Variants in AFDN observed in about 807,000 individuals in gnomAD.
The protein encoded by AFDN is afadin, adherens junction formation factor, also known as afadin.
AFDN carries 68 observed loss-of-function variants against 216.6 expected under a neutral mutation model. The ratio of observed to expected loss-of-function variants is 0.31; its 90% CI spans 0.26 to 0.38. AFDN has a LOEUF of 0.38. Among genes scored for constraint, AFDN ranks in the 10% least tolerant of loss-of-function variants. AFDN has a pLI of 1.00. For synonymous variants in AFDN, 868 were observed against 853.7 expected (o/e 1.02, Z -0.29); for missense variants, 2,136 against 2,342.0 (o/e 0.91, Z 1.82).
At chr6:167,841,500 A>G (rs1781070311) in intron 1 of AFDN, among the ~76,000 whole-genome samples, 1 of 152,156 alleles carries the variant, frequency 6.6e-6, no homozygotes, top group Admixed American at 6.5e-5. Context: ...AGGAAAAAAA[A>G]AATACTGTAC....
chr6:167,937,344 T>A (rs917069039), intron 23 of AFDN, among the ~76,000 whole-genome samples: 1 of 152,234 alleles, frequency 6.6e-6, no homozygotes, highest in Non-Finnish European at 1.5e-5. Flanking sequence ...ATTTTTATGA[T>A]CAACCTTGAA....
At chr6:167,953,829 G>A (rs577296591) in intron 30 of AFDN, among the ~76,000 whole-genome samples, 1 of 152,252 alleles carries the variant, frequency 6.6e-6, no homozygotes, top group African/African-American at 2.4e-5. Flanking sequence ...GGACGTTCAT[G>A]GCCTTGTGTC....
intron 30 of AFDN, among the ~76,000 whole-genome samples, chr6:167,956,595 A>G (rs182618311): frequency 4.1e-4 from 62 of 152,310 alleles, no homozygotes; most frequent in Middle Eastern, 3.4e-3. Context: ...ACATCTCCAC[A>G]TGGAGTCAAG....
At chr6:167,896,376 C>T (rs1788250311) in intron 9 of AFDN, among the ~76,000 whole-genome samples, 1 of 152,172 alleles carries the variant, frequency 6.6e-6, no homozygotes, top group Non-Finnish European at 1.5e-5. Context: ...GCCTCATCCC[C>T]AAGGATTTTC....
chr6:167,969,939 A>G lies in AFDN; in HGVS notation c.*4A>G, dbSNP rs779359215. 1.9e-6 allele frequency: 3 copies of G among 1,603,030 alleles called. No individual in the cohort carries two copies. Among genetic ancestry groups the G allele is most frequent in the Non-Finnish European group, 2.5e-6 (3 of 1,176,774 alleles). ...GAATGAACTGAACACAAAGTGAAAG[A>G]AAATGAGGAGAACACTTTGTATTTA... is the stretch of plus-strand genomic sequence containing the variant. On this transcript the variant is annotated 3_prime_UTR_variant, in exon 34 of 34. Transcript: ENST00000683244.
intron 23 of AFDN, among the ~76,000 whole-genome samples, chr6:167,940,018 A>G (rs1794493392): frequency 1.3e-5 from 2 of 152,230 alleles, no homozygotes; most frequent in Admixed American, 6.5e-5. Flanking sequence ...TATCCCAGTC[A>G]TGCTTTTTAT....
At chr6:167,826,856 C>CACG (rs1779111009), upstream of AFDN, 4 of 144,480 alleles carry the variant, frequency 2.8e-5, no homozygotes, top group Non-Finnish European at 6.1e-5. Flanking sequence ...CGGCGGCGCG[C>CACG]ACGGCGGCGG....
chr6:167,831,996 G>A (rs1274516963), intron 1 of AFDN, among the ~76,000 whole-genome samples: 1 of 152,164 alleles, frequency 6.6e-6, no homozygotes, highest in Admixed American at 6.5e-5. Context: ...GAACATATGA[G>A]ACTGAACTCA....
At chr6:167,827,261 C>T in intron 1 of AFDN, 24 bp downstream of exon 1, 3 of 1,021,102 alleles carry the variant, frequency 2.9e-6, no homozygotes, top group Non-Finnish European at 2.4e-6. Flanking sequence ...GGCGCGGGGC[C>T]TGCGCGACCC....
At chr6:167,960,794 G>A (rs185833268) in intron 30 of AFDN, among the ~76,000 whole-genome samples, 263 of 152,232 alleles carry the variant, frequency 1.7e-3, no homozygotes, top group Non-Finnish European at 2.7e-3. Flanking sequence ...CGTCACCGAC[G>A]GCTTCCTTGT....
Position 167,970,988 on chromosome 6 carries a change from A to T in AFDN, c.*1053A>T, listed in dbSNP as rs888331260. On this transcript the variant is annotated 3_prime_UTR_variant, in exon 34 of 34. Coordinates refer to ENST00000683244, the MANE Select transcript of AFDN (RefSeq NM_001386888.1). ...ATATGGAAGTTCAAGCTATTTTTATACTATAATAGAGTTATTTAATTTTAA... is the reference window on the plus strand; with the variant it reads ...ATATGGAAGTTCAAGCTATTTTTATTCTATAATAGAGTTATTTAATTTTAA... 2.8e-5 allele frequency: 6 copies of T among 214,420 alleles called. No individual in the cohort carries two copies. The highest frequency in any genetic ancestry group is 1.8e-4 in the Admixed American group (3 of 17,074). The allele number at this position is 214,420 out of a possible 1,614,324, so 13.3% of individuals were successfully genotyped here. A position where few individuals can be genotyped will look rare whatever the true frequency, so the allele number is the denominator to read the frequency against.
chr6:167,915,550 G>T (rs369730885), intron 19 of AFDN, 117 bp downstream of exon 19: 8 of 1,233,082 alleles, frequency 6.5e-6, no homozygotes, highest in Non-Finnish European at 8.8e-6. Context: ...GGGGTTTTTC[G>T]TATGTACAAA....
intron 23 of AFDN, chr6:167,932,541 A>G (rs1431714570): frequency 6.6e-6 from 1 of 152,246 alleles, no homozygotes; most frequent in Non-Finnish European, 1.5e-5. Flanking sequence ...CTGGTTACGT[A>G]AGAGCCTGAA....
At chr6:167,926,407 A>G (rs1382505446) in intron 23 of AFDN, among the ~76,000 whole-genome samples, 2 of 152,208 alleles carry the variant, frequency 1.3e-5, no homozygotes, top group East Asian at 1.9e-4. Context: ...GGCTGGGCAT[A>G]TTTGCATCTA....
chr6:167,841,892 C>A (rs2128131839), intron 1 of AFDN, among the ~76,000 whole-genome samples: 1 of 152,096 alleles, frequency 6.6e-6, no homozygotes, highest in South Asian at 2.1e-4. Flanking sequence ...CCCTTTCATT[C>A]CTTCTGTCTT....
intron 13 of AFDN, 121 bp downstream of exon 13, chr6:167,907,410 A>AT: frequency 1.4e-6 from 1 of 729,240 alleles, no homozygotes; most frequent in South Asian, 1.8e-5. Context: ...TAGCAATAAT[A>AT]TTTTAAGGGC....
intron 8 of AFDN, among the ~76,000 whole-genome samples, chr6:167,891,643 T>C (rs866537194): frequency 1.1e-4 from 16 of 152,244 alleles, no homozygotes; most frequent in Admixed American, 3.3e-4. Context: ...AGGTTAGCCA[T>C]TGAGTAGAGA....
chr6:167,954,630 A>G (rs188554535), intron 30 of AFDN: 20 of 556,954 alleles, frequency 3.6e-5, no homozygotes, highest in African/African-American at 3.5e-4. Context: ...AGTCCCTGAC[A>G]CTTTAGAAGC....
chr6:167,949,004 A>G (rs1795661040), intron 29 of AFDN, among the ~76,000 whole-genome samples: 1 of 152,212 alleles, frequency 6.6e-6, no homozygotes, highest in Non-Finnish European at 1.5e-5. Context: ...AACCCTGGGT[A>G]GAGGGGAAAG....
Sources: gnomAD v4.1 joint callset for allele counts (sites outside exome capture counted in the v4.1 genomes callset) on GRCh38, gnomAD v4.1.1 for gene constraint, MANE v1.5 for transcripts, NCBI Gene and HGNC (gene_info 2026-07-23, HGNC 2026-07-21) for gene names.